The following PPP1R9A variants were observed in gnomAD, a reference collection of about 807,000 sequenced individuals.
PPP1R9A encodes protein phosphatase 1 regulatory subunit 9A, also known as neurabin-1.
A neutral mutation model predicts 141.9 loss-of-function variants in PPP1R9A; 59 were observed. That is an observed-to-expected ratio of 0.42 (90% CI 0.34 to 0.52). The LOEUF is 0.52. PPP1R9A is among the 20% of genes least tolerant of loss of function. PPP1R9A has a pLI of 0.10. For missense variants in PPP1R9A, 1,444 were observed against 1,611.9 expected, an observed-to-expected ratio of 0.90 and a Z score of 1.78; for synonymous variants, 500 against 569.7, an observed-to-expected ratio of 0.88 and a Z score of 1.74.
chr7:94,942,389 A>G (rs535235741), intron 2 of PPP1R9A, among the ~76,000 whole-genome samples: 4 of 152,294 alleles, frequency 2.6e-5, no homozygotes, highest in African/African-American at 9.6e-5. Context: ...TAACTGAGTA[A>G]TTTAGGACAG....
At chr7:94,934,242 G>C (rs1324876420) in intron 2 of PPP1R9A, among the ~76,000 whole-genome samples, 2 of 152,048 alleles carry the variant, frequency 1.3e-5, no homozygotes, top group East Asian at 3.9e-4. Flanking sequence ...CTAGATCAGG[G>C]GTCAGTTAAT....
At chr7:94,923,674 T>C (rs2150745446) in intron 2 of PPP1R9A, among the ~76,000 whole-genome samples, 1 of 152,308 alleles carries the variant, frequency 6.6e-6, no homozygotes, top group East Asian at 1.9e-4. Flanking sequence ...TGGTAGTATG[T>C]TATATTTTTA....
chr7:95,065,703 T>A (rs934481849), intron 2 of PPP1R9A, among the ~76,000 whole-genome samples: 1 of 152,204 alleles, frequency 6.6e-6, no homozygotes, highest in East Asian at 1.9e-4. Context: ...ACAGCTCGGT[T>A]GTACTTTGTC....
At chr7:94,991,006 A>G (rs140528080) in intron 2 of PPP1R9A, among the ~76,000 whole-genome samples, 470 of 152,266 alleles carry the variant, frequency 3.1e-3, no homozygotes, top group African/African-American at 0.011. Context: ...TGTAGTAAGT[A>G]AGTATAGGGT....
At chr7:95,284,826 A>C (rs1418366966) in intron 17 of PPP1R9A, among the ~76,000 whole-genome samples, 1 of 152,232 alleles carries the variant, frequency 6.6e-6, no homozygotes, top group Admixed American at 6.5e-5. Context: ...CATGATGGTT[A>C]TTTCCAGCAT....
chr7:95,205,221 G>A (rs1256682610), intron 7 of PPP1R9A, among the ~76,000 whole-genome samples: 1 of 152,092 alleles, frequency 6.6e-6, no homozygotes, highest in African/African-American at 2.4e-5. Flanking sequence ...CATTTTCTTT[G>A]ATTTAAAAAA....
intron 2 of PPP1R9A, among the ~76,000 whole-genome samples, chr7:95,095,698 C>T (rs1817925518): frequency 6.6e-6 from 1 of 152,130 alleles, no homozygotes; most frequent in African/African-American, 2.4e-5. Flanking sequence ...CCTGCTTTTT[C>T]AGGGTAACAT....
chr7:94,946,200 T>G (rs1465563856), intron 2 of PPP1R9A, among the ~76,000 whole-genome samples: 1 of 152,164 alleles, frequency 6.6e-6, no homozygotes, highest in Non-Finnish European at 1.5e-5. Flanking sequence ...AGAGTGATTT[T>G]TTTTTCATTC....
At chr7:95,038,730 C>A (rs983968107) in intron 2 of PPP1R9A, among the ~76,000 whole-genome samples, 15 of 152,152 alleles carry the variant, frequency 9.9e-5, no homozygotes, top group African/African-American at 3.6e-4. Context: ...ATTCTGTAAT[C>A]TCTGATTAAA....
At chr7:94,925,060 A>G (rs1484871263) in intron 2 of PPP1R9A, among the ~76,000 whole-genome samples, 1 of 152,234 alleles carries the variant, frequency 6.6e-6, no homozygotes, top group African/African-American at 2.4e-5. Context: ...TAGGATGTGT[A>G]TATATACAGA....
chr7:95,065,048 A>G (rs1030814263), intron 2 of PPP1R9A, among the ~76,000 whole-genome samples: 7 of 152,076 alleles, frequency 4.6e-5, no homozygotes, highest in Non-Finnish European at 7.4e-5. Context: ...ACTGGAGCCC[A>G]AGTGTTTTTA....
chr7:95,211,864 C>T (rs1183298413), intron 7 of PPP1R9A, among the ~76,000 whole-genome samples: 1 of 152,104 alleles, frequency 6.6e-6, no homozygotes, highest in Non-Finnish European at 1.5e-5. Flanking sequence ...TTGCTGCATG[C>T]CTATAGTCCC....
chr7:94,978,098 T>C (rs1020131061), intron 2 of PPP1R9A, among the ~76,000 whole-genome samples: 6 of 152,198 alleles, frequency 3.9e-5, no homozygotes, highest in Admixed American at 3.9e-4. Context: ...ATGAAGGGGA[T>C]AAAGTGAGTG....
chr7:95,190,417 G>A (rs1835323891), intron 5 of PPP1R9A, among the ~76,000 whole-genome samples: 1 of 152,198 alleles, frequency 6.6e-6, no homozygotes, highest in Non-Finnish European at 1.5e-5. Flanking sequence ...TACCTGCTCT[G>A]GTGGAGTTGG....
intron 2 of PPP1R9A, among the ~76,000 whole-genome samples, chr7:94,949,878 A>G (rs2151018506): frequency 6.7e-6 from 1 of 149,396 alleles, no homozygotes; most frequent in African/African-American, 2.5e-5. Context: ...CTTCAAAATG[A>G]CATGTTTTCT....
chr7:95,021,030 G>C (rs1805872711), intron 2 of PPP1R9A, among the ~76,000 whole-genome samples: 2 of 152,158 alleles, frequency 1.3e-5, no homozygotes, highest in Admixed American at 6.5e-5. Context: ...TCTAGTTCTA[G>C]ATCCTTGAGG....
At chr7:95,000,226 G>A (rs1361640284) in intron 2 of PPP1R9A, among the ~76,000 whole-genome samples, 1 of 152,154 alleles carries the variant, frequency 6.6e-6, no homozygotes, top group South Asian at 2.1e-4. Flanking sequence ...CTTCATACAT[G>A]ATATAGGTGT....
At chr7:95,061,688 A>G (rs958920106) in intron 2 of PPP1R9A, among the ~76,000 whole-genome samples, 1 of 152,136 alleles carries the variant, frequency 6.6e-6, no homozygotes, top group African/African-American at 2.4e-5. Flanking sequence ...GTGGGCCATG[A>G]TTGTGCCACT....
intron 16 of PPP1R9A, 99 bp downstream of exon 16, chr7:95,274,267 T>C: frequency 9.1e-7 from 1 of 1,093,454 alleles, no homozygotes; most frequent in Non-Finnish European, 1.3e-6. Context: ...ATCTTTGAGC[T>C]AAAGTGATAT....
Sources: allele counts gnomAD v4.1 joint callset (sites outside exome capture counted in the v4.1 genomes callset), GRCh38; gene constraint gnomAD v4.1.1; transcripts MANE v1.5; gene names NCBI Gene and HGNC (gene_info 2026-07-23, HGNC 2026-07-21).